SEMA3A: variants seen among roughly 807,000 people sequenced by gnomAD.
The protein encoded by SEMA3A is semaphorin-3A.
Under a neutral mutation model 97.9 loss-of-function variants are expected in SEMA3A, and 29 were observed. That is an observed-to-expected ratio of 0.30 (90% CI 0.22 to 0.40). The LOEUF (loss-of-function observed/expected upper bound fraction) is 0.40, where lower values mean the gene tolerates loss of function less well. Among genes scored for constraint, SEMA3A ranks in the 10% least tolerant of loss-of-function variants. The pLI is 1.00. For synonymous variants in SEMA3A, 321 were observed against 323.7 expected (o/e 0.99, Z 0.09); for missense variants, 763 against 951.3 (o/e 0.80, Z 2.60).
intron 1 of SEMA3A, among the ~76,000 whole-genome samples, chr7:84,180,748 T>C (rs1455658877): frequency 6.6e-6 from 1 of 151,960 alleles, no homozygotes; most frequent in African/African-American, 2.4e-5. Flanking sequence ...ATACACTAAA[T>C]CCTAAGTAAT....
intron 1 of SEMA3A, among the ~76,000 whole-genome samples, chr7:84,482,088 T>C (rs144311782): frequency 8.6e-4 from 130 of 151,962 alleles, no homozygotes; most frequent in Non-Finnish European, 2.7e-4. Context: ...ATTATATATA[T>C]AGGCATTTGA....
chr7:84,033,039 G>A (rs1266446267), intron 6 of SEMA3A, among the ~76,000 whole-genome samples: 1 of 151,942 alleles, frequency 6.6e-6, no homozygotes, highest in African/African-American at 2.4e-5. Flanking sequence ...GATGTTTACA[G>A]GGAAAAAAAT....
chr7:84,262,927 T>G (rs912455390), intron 3 of SEMA3A, among the ~76,000 whole-genome samples: 2 of 152,206 alleles, frequency 1.3e-5, no homozygotes, highest in African/African-American at 4.8e-5. Context: ...AACAGATATT[T>G]CATGGATGAC....
At chr7:84,385,225 G>A (rs973491910) in intron 1 of SEMA3A, among the ~76,000 whole-genome samples, 4 of 152,138 alleles carry the variant, frequency 2.6e-5, no homozygotes, top group Non-Finnish European at 5.9e-5. Flanking sequence ...TGTGAGGGGT[G>A]CTGAGCTGAT....
At chr7:84,321,872 GAAAAAAAAAAAAA>G (rs1156548285) in intron 2 of SEMA3A, among the ~76,000 whole-genome samples, 4 of 12,062 alleles carry the variant, frequency 3.3e-4, no homozygotes, top group African/African-American at 1.0e-3. Context: ...CGAGACTACG[GAAAAAAAAAAAAA>G]AAAAAAAAAA....
intron 1 of SEMA3A, among the ~76,000 whole-genome samples, chr7:84,472,520 A>AT (rs1012145388): frequency 4.6e-5 from 7 of 152,086 alleles, no homozygotes; most frequent in African/African-American, 1.7e-4. Flanking sequence ...TTCAATCTGT[A>AT]TTTTGTGTGT....
intron 1 of SEMA3A, 76 bp from the exon 2 acceptor site, chr7:84,135,027 C>G (rs140569808): frequency 1.7e-6 from 2 of 1,193,564 alleles, no homozygotes; most frequent in African/African-American, 3.1e-5. Context: ...TACATGGTAA[C>G]CTGACTATAT....
At chr7:84,316,235 A>T (rs1801498179) in intron 2 of SEMA3A, among the ~76,000 whole-genome samples, 1 of 151,576 alleles carries the variant, frequency 6.6e-6, no homozygotes, top group South Asian at 2.1e-4. Flanking sequence ...AACTGTGATA[A>T]AATTTCTCAA....
chr7:84,000,505 A>C (rs1790397323), intron 12 of SEMA3A, among the ~76,000 whole-genome samples: 1 of 152,148 alleles, frequency 6.6e-6, no homozygotes, highest in Admixed American at 6.6e-5. Context: ...TATATTAACA[A>C]TGACATTTTG....
chr7:84,269,810 A>G (rs889693093), intron 3 of SEMA3A, among the ~76,000 whole-genome samples: 5 of 152,102 alleles, frequency 3.3e-5, no homozygotes, highest in Non-Finnish European at 5.9e-5. Flanking sequence ...TTTTAGGTAA[A>G]ATATTTAATT....
chr7:84,032,014 G>C (rs1435410859), intron 6 of SEMA3A, among the ~76,000 whole-genome samples: 2 of 151,960 alleles, frequency 1.3e-5, no homozygotes, highest in Non-Finnish European at 2.9e-5. Context: ...AACTTACTTT[G>C]TCAAAAATTG....
intron 4 of SEMA3A, among the ~76,000 whole-genome samples, chr7:84,101,874 AC>A (rs1248986205): frequency 4.6e-5 from 7 of 151,816 alleles, no homozygotes; most frequent in African/African-American, 7.3e-5. Context: ...TCTCATAAAA[AC>A]TCTAAATTTC....
At chr7:84,481,087 A>T (rs1027777720) in intron 1 of SEMA3A, among the ~76,000 whole-genome samples, 2 of 152,144 alleles carry the variant, frequency 1.3e-5, no homozygotes, top group African/African-American at 4.8e-5. Flanking sequence ...AGTGTCAAAG[A>T]TAAAGCTCAT....
intron 2 of SEMA3A, among the ~76,000 whole-genome samples, chr7:84,134,001 C>A (rs1796044752): frequency 6.6e-6 from 1 of 151,658 alleles, no homozygotes; most frequent in Non-Finnish European, 1.5e-5. Context: ...GGCAGAGTTG[C>A]AGTGAGCCAA....
intron 1 of SEMA3A, among the ~76,000 whole-genome samples, chr7:84,408,343 A>C (rs920428764): frequency 7.2e-5 from 11 of 152,138 alleles, no homozygotes; most frequent in Admixed American, 2.6e-4. Context: ...CCACAATGAG[A>C]TATCATCTCA....
At chr7:84,423,215 G>C (rs1804648302) in intron 1 of SEMA3A, among the ~76,000 whole-genome samples, 1 of 142,790 alleles carries the variant, frequency 7.0e-6, no homozygotes, top group South Asian at 2.2e-4. Context: ...CATACCATTA[G>C]AATACTATGA....
chr7:84,456,085 T>C (rs975622163), intron 1 of SEMA3A, among the ~76,000 whole-genome samples: 1 of 151,918 alleles, frequency 6.6e-6, no homozygotes, highest in South Asian at 2.1e-4. Flanking sequence ...GCAAATGAGA[T>C]GACTAAAAGT....
chr7:83,985,676 C>T (rs1327338678), intron 12 of SEMA3A, among the ~76,000 whole-genome samples, 199 bp from the exon 13 acceptor site: 1 of 152,158 alleles, frequency 6.6e-6, no homozygotes, highest in Non-Finnish European at 1.5e-5. Context: ...AAGATTGTGT[C>T]AGTGTCATAC....
chr7:84,333,973 T>C (rs1801968446), intron 2 of SEMA3A, among the ~76,000 whole-genome samples: 1 of 152,202 alleles, frequency 6.6e-6, no homozygotes, highest in African/African-American at 2.4e-5. Flanking sequence ...TTTTGTCATA[T>C]ACTTAAAGTC....
Sources: gnomAD v4.1 joint callset for allele counts (sites outside exome capture counted in the v4.1 genomes callset) on GRCh38, gnomAD v4.1.1 for gene constraint, MANE v1.5 for transcripts, NCBI Gene and HGNC (gene_info 2026-07-23, HGNC 2026-07-21) for gene names.